The following TRIM34 variants were observed in gnomAD, a reference collection of about 807,000 sequenced individuals.
TRIM34 encodes tripartite motif containing 34.
TRIM34 carries 41 observed loss-of-function variants against 38.1 expected under a neutral mutation model. The observed-to-expected ratio is 1.08, with a 90% CI of 0.84 to 1.40. The LOEUF (loss-of-function observed/expected upper bound fraction) is 1.40, where lower values mean the gene tolerates loss of function less well. Among genes scored for constraint, TRIM34 ranks in the 40% most tolerant of loss-of-function variants. The pLI is 0.00. For missense variants in TRIM34, 556 were observed against 571.4 expected, an observed-to-expected ratio of 0.97 and a Z score of 0.27; for synonymous variants, 200 against 202.5, an observed-to-expected ratio of 0.99 and a Z score of 0.10.
rs550010617 is a variant in TRIM34, at chr11:5,634,962, GCAGT to G, written c.750+102_750+105del. 4.0e-4 allele frequency: 519 copies of G among 1,297,842 alleles called. 3 individuals carry two copies. In the African/African-American group the frequency reaches 6.4e-3, roughly 16 times the overall value. 80.4% of individuals were successfully genotyped at this position (1,297,842 alleles called of 1,614,324 possible). A position where few individuals can be genotyped will look rare whatever the true frequency, so the allele number is the denominator to read the frequency against. ...GACACTAAGGGGTTTCTTTGGCCTTGCAGTGCCGCCTTGTCGTCCATTCTAGATG... is the reference window on the plus strand; with the variant it reads ...GACACTAAGGGGTTTCTTTGGCCTTGGCCGCCTTGTCGTCCATTCTAGATG... On this transcript the variant is annotated intron_variant, in intron 4 of 7. Coordinates refer to ENST00000429814, the MANE Select transcript of TRIM34 (RefSeq NM_021616.6).
rs759947660 is a variant in TRIM34, at chr11:5,643,124, T to TATATATATAG, written c.902-18_902-17insATATATAGAT. ...GATTATATTCATATACATATATATA[T>TATATATATAG]ATTTTTTTTTTTCTTGCAGTGGATG... On this transcript the variant is annotated intron_variant, in intron 7 of 7. Transcript: ENST00000429814. 5 of 1,133,114 alleles carry TATATATATAG rather than the reference T, an allele frequency of 4.4e-6. No individual in the cohort carries two copies. The highest frequency in any genetic ancestry group is 4.5e-6 in the Non-Finnish European group (4 of 897,536). The allele number at this position is 1,133,114 out of a possible 1,614,324, so 70.2% of individuals were successfully genotyped here.
intron 1 of TRIM34, among the ~76,000 whole-genome samples, chr11:5,630,846 C>T (rs1474875194): frequency 1.3e-5 from 2 of 152,118 alleles, no homozygotes; most frequent in African/African-American, 2.4e-5. Context: ...TGGCTAATAC[C>T]ATCTGTTCAT....
At chr11:5,640,865 G>A (rs996217805) in intron 4 of TRIM34, among the ~76,000 whole-genome samples, 2 of 152,094 alleles carry the variant, frequency 1.3e-5, no homozygotes, top group Non-Finnish European at 2.9e-5. Context: ...GTTCTTTAAT[G>A]TGTATTGATA....
intron 3 of TRIM34, among the ~76,000 whole-genome samples, chr11:5,634,374 G>C (rs138982457): frequency 2.2e-4 from 33 of 151,054 alleles, no homozygotes; most frequent in Non-Finnish European, 1.5e-4. Flanking sequence ...AAAATAGTAG[G>C]AAAAAATAGC....
In TRIM34 at chr11:5,643,125, A is replaced by ATATATT. The variant is rs1554923130; in HGVS notation, c.902-18_902-17insATATTT. 0.01 allele frequency: 10,142 copies of ATATATT among 972,228 alleles called. 301 individuals are homozygous for ATATATT. In the African/African-American group the frequency reaches 0.14, roughly 13 times the overall value. The allele number at this position is 972,228 out of a possible 1,614,324, so 60.2% of individuals were successfully genotyped here. Reference sequence around the variant, plus strand: ...ATTATATTCATATACATATATATATATTTTTTTTTTTCTTGCAGTGGATGT... The same window carrying ATATATT: ...ATTATATTCATATACATATATATATATATATTTTTTTTTTTTTCTTGCAGTGGATGT... On this transcript the variant is annotated intron_variant, in intron 7 of 7. Transcript: ENST00000429814.
At chr11:5,634,530 C>CACACACATATATATATATATATAT (rs1491498839) in intron 3 of TRIM34, 101 bp from the exon 4 acceptor site, 1 of 203,886 alleles carries the variant, frequency 4.9e-6, no homozygotes, top group African/African-American at 3.4e-5. Context: ...CACACACACA[C>CACACACATATATATATATATATAT]ATATATATAT....
intron 4 of TRIM34, among the ~76,000 whole-genome samples, chr11:5,638,086 T>G (rs1849825008): frequency 6.6e-6 from 1 of 152,226 alleles, no homozygotes; most frequent in Non-Finnish European, 1.5e-5. Flanking sequence ...TATCCAATCC[T>G]TACATCCCTA....
intron 4 of TRIM34, among the ~76,000 whole-genome samples, chr11:5,636,792 C>T (rs1437555391): frequency 1.3e-5 from 2 of 152,144 alleles, no homozygotes; most frequent in Admixed American, 6.6e-5. Context: ...AAATGGAAAA[C>T]TTAGGAACTT....
intron 1 of TRIM34, among the ~76,000 whole-genome samples, 171 bp downstream of exon 1, chr11:5,625,231 T>G (rs1027473937): frequency 3.5e-4 from 53 of 152,122 alleles, no homozygotes; most frequent in African/African-American, 1.3e-3. Flanking sequence ...GCCTAGAGTC[T>G]GGGGAGGGAC....
chr11:5,641,036 C>A (rs1849985577), intron 4 of TRIM34, 131 bp from the exon 5 acceptor site: 1 of 1,308,884 alleles, frequency 7.6e-7, no homozygotes, highest in Non-Finnish European at 1.0e-6. Context: ...TAAATGTTTG[C>A]CAATTTTGTT....
rs376708057 is a variant in TRIM34, at chr11:5,632,692, C to A, written c.361C>A (p.Arg121=). The change falls in exon 2 of 8, where the codon CGG becomes AGG. Residue 121 remains arginine (R), a synonymous_variant. Transcript: ENST00000429814. ...DRKVICWLCE[R]SQEHRGHHTV... is the part of the protein sequence containing the mutation. ...GAAAGTCATTTGCTGGCTTTGTGAG[C>A]GGTCTCAGGAGCACCGTGGTCACCA... The A allele has an allele frequency of 3.1e-6, 5 of 1,611,988 alleles. No homozygotes were observed. In the African/African-American group the frequency reaches 4.0e-5, roughly 13 times the overall value.
chr11:5,641,166 G>A lies in TRIM34; in HGVS notation c.751-1G>A, dbSNP rs761278183. ...ACTCATGTTTTCTCTTTTCTTTCTA[G>A]GACATGAGTGGAATCATGAAATGGT... is the stretch of plus-strand genomic sequence containing the variant. On this transcript the variant is annotated splice_acceptor_variant, in intron 4 of 7. Coordinates refer to ENST00000429814, the MANE Select transcript of TRIM34 (RefSeq NM_021616.6). LOFTEE classifies it high-confidence loss of function. The A allele has an allele frequency of 1.2e-6, 2 of 1,612,688 alleles. No homozygotes were observed. Among genetic ancestry groups the A allele is most frequent in the East Asian group, 4.5e-5 (2 of 44,836 alleles).
In TRIM34 at chr11:5,632,603, G is replaced by C; in HGVS notation, c.272G>C (p.Gly91Ala). The change falls in exon 2 of 8, where the codon GGG (glycine) becomes GCG (alanine). Residue 91 changes from glycine (G) to alanine (A), a missense_variant. Gly to Ala is a moderately conservative substitution (Grantham distance 60, BLOSUM62 0). Coordinates refer to ENST00000429814, the MANE Select transcript of TRIM34 (RefSeq NM_021616.6). ...LKEVKLSPDNGKKRDLCDHHG... is the reference protein window; with the variant it reads ...LKEVKLSPDNAKKRDLCDHHG... ...GAGGTCAAGTTGAGCCCAGACAATG[G>C]GAAGAAGAGAGATCTCTGTGATCAT... is the stretch of plus-strand genomic sequence containing the variant. 1 of 1,613,472 alleles carries C rather than the reference G, an allele frequency of 6.2e-7. No individual in the cohort carries two copies. Among genetic ancestry groups the C allele is most frequent in the Non-Finnish European group, 8.5e-7 (1 of 1,179,886 alleles).
chr11:5,639,635 G>T (rs568054596), intron 4 of TRIM34, among the ~76,000 whole-genome samples: 1 of 123,210 alleles, frequency 8.1e-6, no homozygotes, highest in Non-Finnish European at 1.6e-5. Context: ...AGCCAAGTTC[G>T]CACCACTGCA....
intron 4 of TRIM34, among the ~76,000 whole-genome samples, chr11:5,639,707 A>AAAAAAAAAAAT (rs1564889435): frequency 7.1e-6 from 1 of 139,912 alleles, no homozygotes; most frequent in Non-Finnish European, 1.5e-5. Flanking sequence ...AAAAAAAAAA[A>AAAAAAAAAAAT]GATTGGAAGA....
At chr11:5,620,843 A>T (rs1243049472), upstream of TRIM34, among the ~76,000 whole-genome samples, 1 of 152,224 alleles carries the variant, frequency 6.6e-6, no homozygotes, top group African/African-American at 2.4e-5. Flanking sequence ...GTGAGATAGC[A>T]AGGCAAAAGC....
upstream of TRIM34, among the ~76,000 whole-genome samples, chr11:5,621,170 C>T (rs186975490): frequency 6.6e-6 from 1 of 152,224 alleles, no homozygotes; most frequent in African/African-American, 2.4e-5. Context: ...TTGCAATGCC[C>T]GAGGCTCTGG....
At chr11:5,629,709 G>A (rs1849396310) in intron 1 of TRIM34, among the ~76,000 whole-genome samples, 1 of 152,108 alleles carries the variant, frequency 6.6e-6, no homozygotes, top group Admixed American at 6.5e-5. Flanking sequence ...GGATTCTTTT[G>A]TTTTGTTTTG....
Position 5,643,258 on chromosome 11 carries a change from T to C in TRIM34, c.1016T>C (p.Leu339Ser). Reference sequence around the variant, plus strand: ...TTTCAGTGTTATAATTATGGTGTCTTGGGATCCCAATATTTCTCCTCTGGG... The same window carrying C: ...TTTCAGTGTTATAATTATGGTGTCTCGGGATCCCAATATTTCTCCTCTGGG... ...WPFQCYNYGVLGSQYFSSGKH... is the reference protein window; with the variant it reads ...WPFQCYNYGVSGSQYFSSGKH... Residue 339 changes from leucine to serine, a missense_variant, in exon 8 of 8, where the codon TTG (leucine) becomes TCG (serine). Transcript: ENST00000429814. 1.2e-6 allele frequency: 2 copies of C among 1,614,106 alleles called. No homozygotes were observed. Among genetic ancestry groups the C allele is most frequent in the South Asian group, 1.1e-5 (1 of 91,074 alleles).
Sources: gnomAD v4.1 joint callset for allele counts (sites outside exome capture counted in the v4.1 genomes callset) on GRCh38, gnomAD v4.1.1 for gene constraint, MANE v1.5 for transcripts, NCBI Gene and HGNC (gene_info 2026-07-23, HGNC 2026-07-21) for gene names.